The following MYO3B variants were observed in gnomAD, a reference collection of about 807,000 sequenced individuals.
MYO3B encodes the protein myosin IIIB.
MYO3B carries 156 observed loss-of-function variants against 174.6 expected under a neutral mutation model. The observed-to-expected ratio is 0.89, with a 90% CI of 0.78 to 1.02. The LOEUF (loss-of-function observed/expected upper bound fraction) is 1.02. MYO3B is among the 50% of genes least tolerant of loss of function. The pLI is 0.00. For synonymous variants in MYO3B, 563 were observed against 569.1 expected, an observed-to-expected ratio of 0.99 and a Z score of 0.15; for missense variants, 1,632 against 1,639.4, an observed-to-expected ratio of 1.00 and a Z score of 0.08.
At position 170,373,955 on chromosome 2, in the gene MYO3B, A is replaced by G. The variant is rs553298169; in HGVS notation, c.971+4578A>G. ...AAAGGGTCAGTTAAAGATCGACATC[A>G]TGATTGCTTAATAGCATAGAAAACC... On this transcript the variant is annotated intron_variant, in intron 9 of 34. Transcript: ENST00000408978. 2.6e-5 allele frequency among the ~76,000 whole-genome samples: 4 copies of G among 152,328 alleles called. No homozygotes were observed. The South Asian group carries it at 6.2e-4, about 24-fold the overall frequency.
intron 32 of MYO3B, among the ~76,000 whole-genome samples, chr2:170,626,560 A>ATTGT (rs1163138800): frequency 6.6e-6 from 1 of 152,130 alleles, no homozygotes; most frequent in Non-Finnish European, 1.5e-5. Flanking sequence ...TAAGGTTAAT[A>ATTGT]TTGTTATGTG....
chr2:170,182,138 C>T (rs1040180251), intron 1 of MYO3B, among the ~76,000 whole-genome samples: 6 of 151,596 alleles, frequency 4.0e-5, no homozygotes, highest in African/African-American at 1.5e-4. Flanking sequence ...TTGTAGAGAC[C>T]TTTTTACTTG....
At chr2:170,329,555 AT>A (rs752223902) in intron 7 of MYO3B, among the ~76,000 whole-genome samples, 5,183 of 114,516 alleles carry the variant, frequency 0.045, 100 homozygotes, top group Non-Finnish European at 0.062. Context: ...TGATTTTTGT[AT>A]TTTTTTTTTT....
rs1691426787 is a variant in MYO3B at position 170,557,717 on chromosome 2, G to GT, written c.3733+13731dup. Among the ~76,000 whole-genome samples the GT allele has an allele frequency of 1.3e-5, 2 of 152,280 alleles. 1 individual carries two copies. Among genetic ancestry groups the GT allele is most frequent in the Admixed American group, 1.3e-4 (2 of 15,300 alleles). On this transcript the variant is annotated intron_variant, in intron 32 of 34. Coordinates refer to ENST00000408978, the MANE Select transcript of MYO3B (RefSeq NM_138995.5). ...AAAACAAGTCTGCTTTGACTAGGGT[G>GT]TTGATAGGGGTGAGCACAGGAGCTG...
At chr2:170,296,423 G>T (rs891436844) in intron 7 of MYO3B, among the ~76,000 whole-genome samples, 1 of 152,196 alleles carries the variant, frequency 6.6e-6, no homozygotes, top group Non-Finnish European at 1.5e-5. Context: ...CACAAGAGGG[G>T]TATTCAAACA....
intron 23 of MYO3B, among the ~76,000 whole-genome samples, chr2:170,444,911 C>G (rs1011622134): frequency 1.3e-5 from 2 of 152,194 alleles, no homozygotes; most frequent in African/African-American, 4.8e-5. Context: ...TTCAGTGGTT[C>G]TGATGGCCTC....
intron 14 of MYO3B, among the ~76,000 whole-genome samples, chr2:170,390,140 T>A (rs1024244073): frequency 3.3e-5 from 5 of 152,168 alleles, no homozygotes; most frequent in Non-Finnish European, 5.9e-5. Context: ...AATTTATTTT[T>A]AAAAAATAAA....
intron 7 of MYO3B, among the ~76,000 whole-genome samples, chr2:170,287,181 A>G (rs1034069527): frequency 6.6e-6 from 1 of 152,186 alleles, no homozygotes; most frequent in African/African-American, 2.4e-5. Context: ...TAGTGATGCA[A>G]TAAAGATGGG....
At chr2:170,487,679 C>A (rs1686155407) in intron 25 of MYO3B, among the ~76,000 whole-genome samples, 1 of 151,476 alleles carries the variant, frequency 6.6e-6, no homozygotes, top group African/African-American at 2.4e-5. Context: ...GATCTCCAAG[C>A]CGGGTGCAGA....
chr2:170,247,452 C>T (rs2093203863), intron 7 of MYO3B, among the ~76,000 whole-genome samples: 1 of 152,186 alleles, frequency 6.6e-6, no homozygotes, highest in African/African-American at 2.4e-5. Flanking sequence ...TCATCCTGGT[C>T]ATGGGGAATG....
chr2:170,519,670 G>A, intron 30 of MYO3B, 130 bp downstream of exon 30: 1 of 800,112 alleles, frequency 1.2e-6, no homozygotes, highest in Admixed American at 2.4e-5. Context: ...GGAGAGAGTG[G>A]AACCAAAAAG....
At chr2:170,472,274 AGGG>A (rs919953732) in intron 25 of MYO3B, among the ~76,000 whole-genome samples, 29 of 152,256 alleles carry the variant, frequency 1.9e-4, no homozygotes, top group Admixed American at 9.2e-4. Flanking sequence ...GCCTGGTGTA[AGGG>A]AGTCCACCTG....
At chr2:170,416,826 T>G (rs1345372075) in intron 22 of MYO3B, among the ~76,000 whole-genome samples, 11 of 15,772 alleles carry the variant, frequency 7.0e-4, no homozygotes, top group South Asian at 4.0e-3. Context: ...TTGTTTTTTT[T>G]TTTTTTTTTT....
chr2:170,460,801 G>A (rs13391317), intron 23 of MYO3B, among the ~76,000 whole-genome samples: 7,724 of 152,226 alleles, frequency 0.051, 242 homozygotes, highest in South Asian at 0.085. Flanking sequence ...TTGCTGTAGG[G>A]AACTGGTGCT....
intron 7 of MYO3B, among the ~76,000 whole-genome samples, chr2:170,244,606 A>G (rs926086902): frequency 1.3e-5 from 2 of 152,198 alleles, no homozygotes; most frequent in Non-Finnish European, 2.9e-5. Context: ...TCTTCAAATA[A>G]GGGAAGAGGG....
At chr2:170,290,481 G>A (rs2093588697) in intron 7 of MYO3B, among the ~76,000 whole-genome samples, 1 of 151,982 alleles carries the variant, frequency 6.6e-6, no homozygotes, top group African/African-American at 2.4e-5. Context: ...TATTTTATCT[G>A]AAATAAGTAT....
intron 32 of MYO3B, among the ~76,000 whole-genome samples, chr2:170,639,066 G>A (rs143361220): frequency 4.6e-5 from 7 of 152,292 alleles, no homozygotes; most frequent in Admixed American, 6.5e-5. Context: ...CAAAGACCCC[G>A]TCACAATTAG....
intron 32 of MYO3B, among the ~76,000 whole-genome samples, chr2:170,637,006 G>C (rs1697553860): frequency 2.0e-5 from 3 of 150,108 alleles, no homozygotes; most frequent in African/African-American, 7.4e-5. Flanking sequence ...TAATTTCCTT[G>C]TCAAGGCTGA....
intron 7 of MYO3B, among the ~76,000 whole-genome samples, chr2:170,292,771 T>C (rs1329362344): frequency 6.6e-6 from 1 of 152,190 alleles, no homozygotes; most frequent in African/African-American, 2.4e-5. Context: ...TTCTACAATG[T>C]GATGCTGCTG....
Sources: gnomAD v4.1 joint callset for allele counts (sites outside exome capture counted in the v4.1 genomes callset) on GRCh38, gnomAD v4.1.1 for gene constraint, MANE v1.5 for transcripts, NCBI Gene and HGNC (gene_info 2026-07-23, HGNC 2026-07-21) for gene names.